SGCZ: variants seen among roughly 807,000 people sequenced by gnomAD.
SGCZ encodes the protein zeta-sarcoglycan.
SGCZ carries 40 observed loss-of-function variants against 41.3 expected under a neutral mutation model. The ratio of observed to expected loss-of-function variants is 0.97; its 90% CI spans 0.75 to 1.26. The LOEUF (loss-of-function observed/expected upper bound fraction) is 1.26, where lower values mean the gene tolerates loss of function less well. Ranked by LOEUF, SGCZ falls within the 50% of genes most tolerant of loss-of-function variation. The pLI, the probability that SGCZ is intolerant of heterozygous loss-of-function variation, is 0.00. For missense variants in SGCZ, 552 were observed against 369.8 expected, an observed-to-expected ratio of 1.49 and a Z score of -4.04; for synonymous variants, 206 against 137.5, an observed-to-expected ratio of 1.50 and a Z score of -3.49.
chr8:14,772,794 A>T (rs561606601), intron 1 of SGCZ, among the ~76,000 whole-genome samples: 3 of 152,038 alleles, frequency 2.0e-5, no homozygotes, highest in African/African-American at 7.2e-5. Flanking sequence ...TCCATGGTGT[A>T]TATGTGCCAC....
chr8:14,985,975 G>C (rs1801814043), intron 1 of SGCZ, among the ~76,000 whole-genome samples: 1 of 152,062 alleles, frequency 6.6e-6, no homozygotes, highest in Non-Finnish European at 1.5e-5. Flanking sequence ...TAGAGATGGG[G>C]TTATTGAATT....
chr8:14,455,784 A>C (rs6530778), intron 2 of SGCZ, among the ~76,000 whole-genome samples: 1 of 152,014 alleles, frequency 6.6e-6, no homozygotes, highest in African/African-American at 2.4e-5. Flanking sequence ...AAGAATGAGG[A>C]CAGGCTCTAT....
intron 2 of SGCZ, among the ~76,000 whole-genome samples, chr8:14,375,582 G>T (rs1432369195): frequency 6.6e-6 from 1 of 152,030 alleles, no homozygotes; most frequent in Non-Finnish European, 1.5e-5. Context: ...ATTTTTAAAA[G>T]ACTTCAACAT....
At position 15,145,893 on chromosome 8, in the gene SGCZ, C is replaced by A. The variant is rs557849464; in HGVS notation, c.39+91692G>T. On this transcript the variant is annotated intron_variant, in intron 1 of 7. Transcript: ENST00000382080. The stretch of plus-strand genomic sequence containing the variant: ...ACACATATATTTATCTCCTCTGCCT[C>A]CCTAGAACTTGAATAAAAATGAGTC... 1.1e-4 allele frequency among the ~76,000 whole-genome samples: 17 copies of A among 152,216 alleles called. No homozygotes were observed. In the East Asian group the frequency reaches 3.3e-3, roughly 29 times the overall value.
intron 1 of SGCZ, among the ~76,000 whole-genome samples, chr8:15,204,235 A>G (rs1289914053): frequency 6.6e-6 from 1 of 152,238 alleles, no homozygotes; most frequent in African/African-American, 2.4e-5. Context: ...AGTTGGAGCC[A>G]CCAAGTACAG....
At chr8:14,789,698 T>C (rs1473025343) in intron 1 of SGCZ, among the ~76,000 whole-genome samples, 1 of 152,108 alleles carries the variant, frequency 6.6e-6, no homozygotes, top group East Asian at 1.9e-4. Flanking sequence ...CCTACTGTCT[T>C]TCATTACTAA....
chr8:14,517,012 A>G (rs902127627), intron 2 of SGCZ, among the ~76,000 whole-genome samples: 2 of 152,194 alleles, frequency 1.3e-5, no homozygotes, highest in Admixed American at 6.6e-5. Flanking sequence ...CCAGGAAGTC[A>G]AGAGGTTGTA....
intron 1 of SGCZ, among the ~76,000 whole-genome samples, chr8:14,913,580 T>A (rs1799340179): frequency 6.6e-6 from 1 of 152,088 alleles, no homozygotes; most frequent in Admixed American, 6.6e-5. Flanking sequence ...GCAACAAAGG[T>A]CTGTAACGGA....
intron 3 of SGCZ, among the ~76,000 whole-genome samples, chr8:14,249,243 T>C (rs1179097681): frequency 2.0e-5 from 3 of 152,138 alleles, no homozygotes; most frequent in Non-Finnish European, 4.4e-5. Flanking sequence ...GAGTCTTCTC[T>C]TGCTTTTGAA....
intron 5 of SGCZ, among the ~76,000 whole-genome samples, chr8:14,159,282 T>A (rs1180728983): frequency 6.6e-6 from 1 of 152,156 alleles, no homozygotes; most frequent in Non-Finnish European, 1.5e-5. Context: ...GAATGAACTG[T>A]CCTCTTTTAT....
intron 2 of SGCZ, among the ~76,000 whole-genome samples, chr8:14,430,228 A>G (rs1346393803): frequency 2.0e-5 from 3 of 152,130 alleles, no homozygotes; most frequent in Non-Finnish European, 4.4e-5. Flanking sequence ...CAAAACCAGG[A>G]AAGGACATAA....
At chr8:14,918,967 G>C (rs1374633475) in intron 1 of SGCZ, among the ~76,000 whole-genome samples, 1 of 152,088 alleles carries the variant, frequency 6.6e-6, no homozygotes, top group Non-Finnish European at 1.5e-5. Flanking sequence ...AAGACTGGGG[G>C]GTTTCAAAAC....
At chr8:14,233,939 C>T (rs999895624) in intron 4 of SGCZ, among the ~76,000 whole-genome samples, 38 of 152,008 alleles carry the variant, frequency 2.5e-4, no homozygotes, top group African/African-American at 8.2e-4. Context: ...TTCTCAACAA[C>T]AATCTCATTC....
At chr8:14,904,261 C>T (rs1480838732) in intron 1 of SGCZ, among the ~76,000 whole-genome samples, 1 of 152,008 alleles carries the variant, frequency 6.6e-6, no homozygotes, top group Non-Finnish European at 1.5e-5. Flanking sequence ...TTGATTTCTC[C>T]ATCCCTGTGG....
intron 1 of SGCZ, among the ~76,000 whole-genome samples, chr8:14,702,846 TAGATAG>T (rs1809199312): frequency 7.5e-6 from 1 of 133,788 alleles, no homozygotes. Flanking sequence ...GATAGATAGA[TAGATAG>T]ATAGATAGAT....
At chr8:14,328,270 G>C (rs1413363152) in intron 2 of SGCZ, among the ~76,000 whole-genome samples, 1 of 152,092 alleles carries the variant, frequency 6.6e-6, no homozygotes, top group African/African-American at 2.4e-5. Flanking sequence ...TTTAGTGTCT[G>C]ATGATTTTCC....
intron 1 of SGCZ, among the ~76,000 whole-genome samples, chr8:14,969,621 A>G (rs1272194828): frequency 4.6e-5 from 7 of 151,954 alleles, no homozygotes; most frequent in Non-Finnish European, 8.8e-5. Context: ...TGACTTTTAT[A>G]TAAATGGAAT....
chr8:15,007,989 T>A (rs1802666648), intron 1 of SGCZ, among the ~76,000 whole-genome samples: 2 of 152,200 alleles, frequency 1.3e-5, no homozygotes, highest in Admixed American at 6.5e-5. Flanking sequence ...TTTTATACTC[T>A]CAAGTTACAG....
chr8:14,527,991 A>G (rs1585634721), intron 2 of SGCZ, among the ~76,000 whole-genome samples: 1 of 152,106 alleles, frequency 6.6e-6, no homozygotes, highest in South Asian at 2.1e-4. Flanking sequence ...GTGAACTTAC[A>G]TGTTTCAAAA....
Sources: gnomAD v4.1 joint callset for allele counts (sites outside exome capture counted in the v4.1 genomes callset) on GRCh38, gnomAD v4.1.1 for gene constraint, MANE v1.5 for transcripts, NCBI Gene and HGNC (gene_info 2026-07-23, HGNC 2026-07-21) for gene names.